PTPRM: variants seen among roughly 807,000 people sequenced by gnomAD.
The protein encoded by PTPRM is receptor-type tyrosine-protein phosphatase mu.
PTPRM carries 47 observed loss-of-function variants against 186.7 expected under a neutral mutation model. That is an observed-to-expected ratio of 0.25 (90% CI 0.20 to 0.32). The LOEUF (loss-of-function observed/expected upper bound fraction) is 0.32, where lower values mean the gene tolerates loss of function less well. Ranked by LOEUF, PTPRM falls within the 10% of genes least tolerant of loss-of-function variation. The pLI is 1.00. For synonymous variants in PTPRM, 668 were observed against 674.9 expected (o/e 0.99, Z 0.16); for missense variants, 1,494 against 1,865.0 (o/e 0.80, Z 3.66).
chr18:8,325,158 A>G (rs1436224731), intron 22 of PTPRM, among the ~76,000 whole-genome samples: 1 of 152,130 alleles, frequency 6.6e-6, no homozygotes, highest in African/African-American at 2.4e-5. Context: ...GTAGGGAGCT[A>G]TTTATTTATT....
rs1568132995 is a variant in PTPRM at position 7,985,373 on chromosome 18, GTATATAAATATATACATATACTGGTAT to G, written c.1132+29960_1132+29986del. On this transcript the variant is annotated intron_variant, in intron 7 of 32. Coordinates refer to ENST00000580170, the MANE Select transcript of PTPRM (RefSeq NM_001105244.2). ...AATATATACATATACTGGTATATAC[GTATATAAATATATACATATACTGGTAT>G]ATACGTATATAAATATATACATATA... is the stretch of plus-strand genomic sequence containing the variant. 2.9e-3 allele frequency among the ~76,000 whole-genome samples: 302 copies of G among 104,038 alleles called. 12 individuals carry two copies. Among genetic ancestry groups the G allele is most frequent in the African/African-American group, 9.1e-3 (230 of 25,242 alleles). The allele number at this position is 104,038 out of a possible 152,430, so 68.3% of individuals were successfully genotyped here.
intron 10 of PTPRM, among the ~76,000 whole-genome samples, chr18:8,086,425 T>A (rs2090439484): frequency 6.6e-6 from 1 of 152,162 alleles, no homozygotes; most frequent in South Asian, 2.1e-4. Context: ...TTTCTAGGCA[T>A]GTTCAACTGT....
At chr18:7,774,960 T>C (rs2042509825) in intron 2 of PTPRM, among the ~76,000 whole-genome samples, 1 of 152,194 alleles carries the variant, frequency 6.6e-6, no homozygotes, top group African/African-American at 2.4e-5. Context: ...ACTTTAGGTC[T>C]GCAGATTTGG....
At chr18:7,756,635 A>G (rs2041505847) in intron 1 of PTPRM, among the ~76,000 whole-genome samples, 1 of 152,212 alleles carries the variant, frequency 6.6e-6, no homozygotes, top group African/African-American at 2.4e-5. Context: ...TGTGAGGAGC[A>G]TCCATGGAAT....
intron 31 of PTPRM, among the ~76,000 whole-genome samples, chr18:8,390,010 A>C (rs1292890667): frequency 3.3e-5 from 5 of 152,248 alleles, no homozygotes; most frequent in African/African-American, 1.2e-4. Context: ...CCACTTTGCA[A>C]CTCTTGATGA....
intron 14 of PTPRM, among the ~76,000 whole-genome samples, chr18:8,226,751 A>G (rs2094218583): frequency 2.0e-5 from 3 of 152,224 alleles, no homozygotes; most frequent in Admixed American, 6.5e-5. Context: ...ATTATCTTAT[A>G]GTTGAGTAGG....
rs746687432 is a variant in PTPRM, at chr18:8,378,368, A to G, written c.3566A>G (p.Lys1189Arg). The G allele has an allele frequency of 1.2e-6, 2 of 1,614,080 alleles. No homozygotes were observed. Among genetic ancestry groups the G allele is most frequent in the South Asian group, 1.1e-5 (1 of 91,068 alleles). The change falls in exon 27 of 33, where the codon AAA (lysine) becomes AGA (arginine). Residue 1189 changes from lysine (K) to arginine (R), a missense_variant. Physicochemically the swap from Lys to Arg is conservative, Grantham distance 26. This residue lies in a region of PTPRM where 1,107 missense variants were observed against 1,350.2 expected (regional missense o/e 0.82). Transcript: ENST00000580170. ...AGGTCTCTGTATTATGACATGAACA[A>G]ACTGGATCCACAGACAAACTCAAGC... ...QVRSLYYDMN[K>R]LDPQTNSSQI...
At chr18:8,247,517 G>A (rs1379583323) in intron 15 of PTPRM, among the ~76,000 whole-genome samples, 1 of 152,124 alleles carries the variant, frequency 6.6e-6, no homozygotes, top group African/African-American at 2.4e-5. Flanking sequence ...ATTCAGCTTG[G>A]CCTGAGAGCA....
chr18:7,670,180 C>T lies in PTPRM; in HGVS notation c.73+102289C>T, dbSNP rs533032675. On this transcript the variant is annotated intron_variant, in intron 1 of 32. Coordinates refer to ENST00000580170, the MANE Select transcript of PTPRM (RefSeq NM_001105244.2). Reference sequence around the variant, plus strand: ...AAAATTTACTAATGAGATATTTTACCTTTTTTTCATGAAGCTTTCAAAATT... The same window carrying T: ...AAAATTTACTAATGAGATATTTTACTTTTTTTTCATGAAGCTTTCAAAATT... 4.0e-3 allele frequency among the ~76,000 whole-genome samples: 605 copies of T among 151,858 alleles called. 5 individuals are homozygous for T. The highest frequency in any genetic ancestry group is 0.014 in the African/African-American group (582 of 41,414).
intron 2 of PTPRM, among the ~76,000 whole-genome samples, chr18:7,873,971 T>C (rs1383148700): frequency 6.6e-6 from 1 of 151,710 alleles, no homozygotes; most frequent in Non-Finnish European, 1.5e-5. Context: ...TTCTTTGTCG[T>C]AGCAGGTGTC....
intron 1 of PTPRM, among the ~76,000 whole-genome samples, chr18:7,765,810 G>A (rs1285019209): frequency 1.3e-5 from 2 of 151,986 alleles, no homozygotes; most frequent in East Asian, 1.9e-4. Context: ...ACTTAAATGG[G>A]GTCATTCTGT....
intron 22 of PTPRM, among the ~76,000 whole-genome samples, chr18:8,320,247 G>A (rs972529630): frequency 1.3e-5 from 2 of 152,208 alleles, no homozygotes; most frequent in South Asian, 2.1e-4. Flanking sequence ...GGGAATCAAC[G>A]ATGCCAAGAT....
In PTPRM at chr18:8,343,403, T is replaced by C. The variant is rs758762592; in HGVS notation, c.2957-20T>C. Reference sequence around the variant, plus strand: ...AAACTTACAACAAAAACAAAAAGTTTCTGTTGTGTTTTGCTGCAGGGCCAA... The same window carrying C: ...AAACTTACAACAAAAACAAAAAGTTCCTGTTGTGTTTTGCTGCAGGGCCAA... On this transcript the variant is annotated intron_variant, in intron 22 of 32. Transcript: ENST00000580170. The C allele has an allele frequency of 6.2e-7, 1 of 1,603,236 alleles. No homozygotes were observed. Among genetic ancestry groups the C allele is most frequent in the Non-Finnish European group, 8.5e-7 (1 of 1,176,576 alleles).
chr18:8,354,399 CAA>C (rs1292565705), intron 23 of PTPRM, among the ~76,000 whole-genome samples: 14 of 151,912 alleles, frequency 9.2e-5, no homozygotes, highest in Non-Finnish European at 2.1e-4. Flanking sequence ...AGGGCGAGAA[CAA>C]AGAGACCCAG....
intron 14 of PTPRM, among the ~76,000 whole-genome samples, chr18:8,184,012 T>C (rs2093611658): frequency 6.6e-6 from 1 of 152,194 alleles, no homozygotes; most frequent in South Asian, 2.1e-4. Flanking sequence ...CCCAAGATAC[T>C]GGAATGACCA....
chr18:8,383,296 CAAAAAAAAAAA>C (rs59442781), intron 29 of PTPRM, among the ~76,000 whole-genome samples: 69 of 30,434 alleles, frequency 2.3e-3, no homozygotes, highest in African/African-American at 8.6e-3. Context: ...GCTTCTGCCT[CAAAAAAAAAAA>C]AAAAAAAAAA....
chr18:8,242,798 T>A (rs1218023318), intron 14 of PTPRM, among the ~76,000 whole-genome samples: 3 of 152,216 alleles, frequency 2.0e-5, no homozygotes, highest in African/African-American at 7.2e-5. Flanking sequence ...TGGTCTTATG[T>A]TGTCAGTGCC....
intron 11 of PTPRM, among the ~76,000 whole-genome samples, chr18:8,111,957 G>T (rs143201378): frequency 2.6e-5 from 4 of 152,246 alleles, no homozygotes; most frequent in Admixed American, 6.5e-5. Context: ...TTCTTTCACC[G>T]CTGTCAACTG....
chr18:8,380,513 C>A, intron 29 of PTPRM, 86 bp downstream of exon 29: 1 of 1,501,512 alleles, frequency 6.7e-7, no homozygotes, highest in Non-Finnish European at 9.2e-7. Context: ...CCGAGAAGTG[C>A]AGGCCCTAGT....
Sources: gnomAD v4.1 joint callset for allele counts (sites outside exome capture counted in the v4.1 genomes callset) on GRCh38, gnomAD v4.1.1 for gene constraint, gnomAD v4.1.1 regional missense constraint, MANE v1.5 for transcripts, NCBI Gene and HGNC (gene_info 2026-07-23, HGNC 2026-07-21) for gene names.